Variants in MACROD2 observed in about 807,000 individuals in gnomAD.
The protein encoded by MACROD2 is ADP-ribose glycohydrolase MACROD2.
MACROD2 carries 36 observed loss-of-function variants against 70.4 expected under a neutral mutation model. The ratio of observed to expected loss-of-function variants is 0.51; its 90% CI spans 0.39 to 0.68. The LOEUF (loss-of-function observed/expected upper bound fraction) is 0.68, where lower values mean the gene tolerates loss of function less well. MACROD2 is among the 30% of genes least tolerant of loss of function. The probability of loss-of-function intolerance (pLI) is 0.00; values close to 1 mark genes in which losing one functional copy is unlikely to be tolerated. For synonymous variants in MACROD2, 172 were observed against 178.8 expected, an observed-to-expected ratio of 0.96 and a Z score of 0.30; for missense variants, 496 against 538.4, an observed-to-expected ratio of 0.92 and a Z score of 0.78.
chr20:15,480,582 ATGGC>A (rs758639580), intron 7 of MACROD2, among the ~76,000 whole-genome samples: 2 of 151,286 alleles, frequency 1.3e-5, no homozygotes, highest in Non-Finnish European at 2.9e-5. Flanking sequence ...TGCCCTGTGG[ATGGC>A]TGCCTGAGTT....
chr20:15,057,872 C>T (rs1170569552), intron 5 of MACROD2, among the ~76,000 whole-genome samples: 1 of 152,172 alleles, frequency 6.6e-6, no homozygotes. Context: ...CTCACTGCCC[C>T]TTACGTTTTA....
intron 2 of MACROD2, among the ~76,000 whole-genome samples, chr20:14,046,758 A>ATTT (rs1569133212): frequency 8.7e-5 from 11 of 126,998 alleles, no homozygotes; most frequent in Admixed American, 3.1e-4. Context: ...TTTATTTATT[A>ATTT]AGCTGTTTGT....
At chr20:15,906,852 T>C (rs1367085988) in intron 10 of MACROD2, among the ~76,000 whole-genome samples, 2 of 152,238 alleles carry the variant, frequency 1.3e-5, no homozygotes, top group Non-Finnish European at 1.5e-5. Flanking sequence ...TGGCAGGCTA[T>C]GAAGGGCCCA....
At chr20:15,296,977 G>A (rs1206322685) in intron 6 of MACROD2, among the ~76,000 whole-genome samples, 4 of 152,116 alleles carry the variant, frequency 2.6e-5, no homozygotes, top group Admixed American at 6.6e-5. Context: ...TTTTCCCAGC[G>A]TAGTAAATTG....
intron 3 of MACROD2, among the ~76,000 whole-genome samples, chr20:14,217,196 A>T (rs1266423319): frequency 6.6e-6 from 1 of 152,100 alleles, no homozygotes; most frequent in Non-Finnish European, 1.5e-5. Context: ...TGCCGATTTC[A>T]CTGAGAGTTT....
At chr20:14,675,259 C>T (rs549573595) in intron 4 of MACROD2, among the ~76,000 whole-genome samples, 16 of 152,206 alleles carry the variant, frequency 1.1e-4, no homozygotes, top group South Asian at 6.2e-4. Context: ...TCGTCAGATT[C>T]GCCAAGGTTG....
chr20:14,022,965 T>C (rs530004948), intron 2 of MACROD2, among the ~76,000 whole-genome samples: 1 of 152,252 alleles, frequency 6.6e-6, no homozygotes, highest in Non-Finnish European at 1.5e-5. Context: ...ATGGGATTGC[T>C]GGGCCAAATG....
chr20:14,639,688 T>G (rs1218039511), intron 4 of MACROD2, among the ~76,000 whole-genome samples: 1 of 152,196 alleles, frequency 6.6e-6, no homozygotes, highest in East Asian at 1.9e-4. Context: ...CAGTTCACAG[T>G]CCTTTAGCCA....
intron 3 of MACROD2, among the ~76,000 whole-genome samples, chr20:14,428,152 G>T (rs568990223): frequency 1.3e-5 from 2 of 152,174 alleles, no homozygotes; most frequent in African/African-American, 4.8e-5. Context: ...AATTTTTAAT[G>T]AATTGAAATA....
chr20:15,752,823 T>C (rs1392915388), intron 8 of MACROD2, among the ~76,000 whole-genome samples: 1 of 152,124 alleles, frequency 6.6e-6, no homozygotes, highest in African/African-American at 2.4e-5. Context: ...ACTTAATTAC[T>C]GTGTGCACAT....
chr20:14,783,000 G>A (rs1568792930), intron 5 of MACROD2, among the ~76,000 whole-genome samples: 1 of 152,100 alleles, frequency 6.6e-6, no homozygotes, highest in Non-Finnish European at 1.5e-5. Flanking sequence ...AGAAGCCAGG[G>A]AGATTGCTGA....
At chr20:14,816,830 TC>T (rs2072779502) in intron 5 of MACROD2, among the ~76,000 whole-genome samples, 1 of 152,014 alleles carries the variant, frequency 6.6e-6, no homozygotes, top group African/African-American at 2.4e-5. Flanking sequence ...TTCTATTATG[TC>T]TTCTGATGAA....
At chr20:15,582,569 G>C (rs577858260) in intron 8 of MACROD2, among the ~76,000 whole-genome samples, 1 of 152,212 alleles carries the variant, frequency 6.6e-6, no homozygotes, top group Non-Finnish European at 1.5e-5. Flanking sequence ...AATTAGTCAC[G>C]TGGTGGAAAG....
At chr20:14,562,492 A>G (rs1244463103) in intron 4 of MACROD2, among the ~76,000 whole-genome samples, 1 of 141,004 alleles carries the variant, frequency 7.1e-6, no homozygotes, top group African/African-American at 2.7e-5. Flanking sequence ...AAAAATTGTT[A>G]AGTAACACTT....
intron 5 of MACROD2, among the ~76,000 whole-genome samples, chr20:15,201,490 T>C (rs149207836): frequency 1.2e-4 from 19 of 152,336 alleles, no homozygotes; most frequent in East Asian, 5.8e-4. Context: ...TTGCTTATTA[T>C]TGCAATAGGT....
At chr20:15,687,426 T>A (rs6043443) in intron 8 of MACROD2, among the ~76,000 whole-genome samples, 47,372 of 151,736 alleles carry the variant, frequency 0.31, 9,493 homozygotes, top group African/African-American at 0.58. Flanking sequence ...TCATCATAAG[T>A]TCCAAAATGG....
chr20:15,481,965 A>T (rs936898022), intron 7 of MACROD2, among the ~76,000 whole-genome samples: 4 of 151,862 alleles, frequency 2.6e-5, no homozygotes, highest in Non-Finnish European at 5.9e-5. Context: ...TTAGAACAGC[A>T]TTGGGGGGTT....
chr20:15,382,834 A>G (rs2045661554), intron 6 of MACROD2, among the ~76,000 whole-genome samples: 2 of 152,292 alleles, frequency 1.3e-5, no homozygotes, highest in Middle Eastern at 3.4e-3. Flanking sequence ...CCTAGATTCT[A>G]GAGGAGGGAG....
At chr20:14,000,772 C>T (rs1190335217) in intron 1 of MACROD2, among the ~76,000 whole-genome samples, 1 of 152,186 alleles carries the variant, frequency 6.6e-6, no homozygotes, top group Admixed American at 6.5e-5. Context: ...TTGTTTTATA[C>T]ACCCTCTGGG....
Sources: allele counts gnomAD v4.1 joint callset (sites outside exome capture counted in the v4.1 genomes callset), GRCh38; gene constraint gnomAD v4.1.1; transcripts MANE v1.5; gene names NCBI Gene and HGNC (gene_info 2026-07-23, HGNC 2026-07-21).